Variants in STYXL2 observed in about 807,000 individuals in gnomAD.
STYXL2 encodes the protein serine/threonine/tyrosine-interacting-like protein 2.
A neutral mutation model predicts 52.4 loss-of-function variants in STYXL2; 44 were observed. The observed-to-expected ratio is 0.84, with a 90% CI of 0.66 to 1.08. STYXL2 has a LOEUF of 1.08. Among genes scored for constraint, STYXL2 ranks in the 50% least tolerant of loss-of-function variants. The pLI, the probability that STYXL2 is intolerant of heterozygous loss-of-function variation, is 0.00. For synonymous variants in STYXL2, 604 were observed against 586.9 expected, an observed-to-expected ratio of 1.03 and a Z score of -0.42; for missense variants, 1,604 against 1,471.7, an observed-to-expected ratio of 1.09 and a Z score of -1.47.
In STYXL2 at chr1:167,126,989, G is replaced by C. The variant is rs1667987125; in HGVS notation, c.1858G>C (p.Ala620Pro). ...ELSKGEDSAL[A>P]KKRQRRLELL... ...CAGCAAGGGGGAGGACTCGGCCTTG[G>C]CTAAGAAGAGACAACGGAGGCTGGA... Residue 620 changes from alanine to proline, a missense_variant, in exon 6 of 6, where the codon GCT becomes CCT. Coordinates refer to ENST00000361200, the MANE Select transcript of STYXL2 (RefSeq NM_001080426.3). 1 of 1,608,322 alleles carries C rather than the reference G, an allele frequency of 6.2e-7. No individual in the cohort carries two copies. The highest frequency in any genetic ancestry group is 1.7e-5 in the Admixed American group (1 of 59,672).
rs772496141 is a variant in STYXL2, at chr1:167,127,466, T to C, written c.2335T>C (p.Leu779=). The C allele has an allele frequency of 1.2e-6, 2 of 1,613,932 alleles. No homozygotes were observed. The highest frequency in any genetic ancestry group is 1.7e-6 in the Non-Finnish European group (2 of 1,179,996). The change falls in exon 6 of 6, where the codon TTG becomes CTG. Residue 779 remains leucine (L), a synonymous_variant. Coordinates refer to ENST00000361200, the MANE Select transcript of STYXL2 (RefSeq NM_001080426.3). ...SMLSGHSSSS[L]GGCLLPQSQA... ...GCTTAGTGGACACAGCAGCTCCTCC[T>C]TGGGTGGCTGCCTGTTGCCTCAGAG... is the stretch of plus-strand genomic sequence containing the variant.
chr1:167,115,359 G>A (rs974774483), intron 3 of STYXL2, among the ~76,000 whole-genome samples: 4 of 152,214 alleles, frequency 2.6e-5, no homozygotes, highest in African/African-American at 9.6e-5. Context: ...GGGGAGAAAT[G>A]TGTGGGCTTT....
At chr1:167,111,353 C>G (rs896468257) in intron 2 of STYXL2, among the ~76,000 whole-genome samples, 1 of 151,392 alleles carries the variant, frequency 6.6e-6, no homozygotes, top group Non-Finnish European at 1.5e-5. Context: ...GAAAAGAAGT[C>G]ATTATGTGAA....
At chr1:167,096,265 A>C (rs1667283479) in intron 2 of STYXL2, among the ~76,000 whole-genome samples, 2 of 152,154 alleles carry the variant, frequency 1.3e-5, no homozygotes, top group Admixed American at 6.5e-5. Flanking sequence ...CTCAAAAAAA[A>C]AGAAAAGAAA....
chr1:167,111,513 T>TATATATATATATACACAC (rs1211215448), intron 2 of STYXL2, among the ~76,000 whole-genome samples: 2 of 50,124 alleles, frequency 4.0e-5, no homozygotes, highest in African/African-American at 2.4e-4. Flanking sequence ...TATATATATA[T>TATATATATATATACACAC]ACACACACAC....
Position 167,126,872 on chromosome 1 carries a change from C to A in STYXL2, c.1741C>A (p.Pro581Thr), listed in dbSNP as rs757387713. The A allele has an allele frequency of 3.0e-5, 49 of 1,613,308 alleles. No homozygotes were observed. The highest frequency in any genetic ancestry group is 3.8e-5 in the Non-Finnish European group (45 of 1,179,592). Reference sequence around the variant, plus strand: ...AGAGGAGGCAGTAGGGGAGAAGAACCCCTCCGACGTCAGCCTGACAGCCTA... The same window carrying A: ...AGAGGAGGCAGTAGGGGAGAAGAACACCTCCGACGTCAGCCTGACAGCCTA... ...GAEEAVGEKN[P>T]SDVSLTAYQA... Residue 581 changes from proline to threonine, a missense_variant, in exon 6 of 6, where the codon CCC becomes ACC. Pro to Thr is a conservative substitution (Grantham distance 38). Transcript: ENST00000361200.
intron 1 of STYXL2, 101 bp from the exon 2 acceptor site, chr1:167,094,733 A>T: frequency 1.3e-6 from 1 of 776,224 alleles, no homozygotes; most frequent in Non-Finnish European, 2.2e-6. Context: ...GGACCTTCCT[A>T]GTCCTAGTTC....
At chr1:167,118,798 G>A (rs1667787203) in intron 4 of STYXL2, among the ~76,000 whole-genome samples, 1 of 152,188 alleles carries the variant, frequency 6.6e-6, no homozygotes, top group African/African-American at 2.4e-5. Flanking sequence ...TAGAGTTCCT[G>A]TCTACTTCTT....
At position 167,128,226 on chromosome 1, in the gene STYXL2, C is replaced by T. The variant is rs866449081; in HGVS notation, c.3095C>T (p.Ser1032Phe). 6.2e-7 allele frequency: 1 copy of T among 1,614,184 alleles called. No individual in the cohort carries two copies. Among genetic ancestry groups the T allele is most frequent in the South Asian group, 1.1e-5 (1 of 91,082 alleles). The change falls in exon 6 of 6, where the codon TCC becomes TTC. Residue 1032 changes from serine (S) to phenylalanine (F), a missense_variant. Physicochemically the swap from Ser to Phe is radical, Grantham distance 155 (BLOSUM62 -2). Transcript: ENST00000361200. ...TCCACGTACAACGAGACCTCAAGTTCCCGAGAGGAGAGCCCAGAGCCCTAC... is the reference window on the plus strand; with the variant it reads ...TCCACGTACAACGAGACCTCAAGTTTCCGAGAGGAGAGCCCAGAGCCCTAC... Reference protein sequence around the residue: ...SRSTYNETSSSREESPEPYFF... With the variant: ...SRSTYNETSSFREESPEPYFF...
In STYXL2 at chr1:167,125,815, C is replaced by T; in HGVS notation, c.684C>T (p.Gly228=). The T allele has an allele frequency of 6.2e-7, 1 of 1,606,524 alleles. No individual in the cohort carries two copies. Among genetic ancestry groups the T allele is most frequent in the Non-Finnish European group, 8.5e-7 (1 of 1,176,878 alleles). The change falls in exon 6 of 6, where the codon GGC becomes GGT. Residue 228 remains glycine, a synonymous_variant. Transcript: ENST00000361200. ...AAGTCCTGGTCAGCAGCGAAATGGGCATCAGCCGGTCAGCAGTGCTGGTGG... is the reference window on the plus strand; with the variant it reads ...AAGTCCTGGTCAGCAGCGAAATGGGTATCAGCCGGTCAGCAGTGCTGGTGG... ...RGKVLVSSEM[G]ISRSAVLVVA... is the part of the protein sequence containing the mutation.
In STYXL2 at chr1:167,127,136, G is replaced by A; in HGVS notation, c.2005G>A (p.Val669Ile). 3 of 1,614,094 alleles carry A rather than the reference G, an allele frequency of 1.9e-6. No individual in the cohort carries two copies. Among genetic ancestry groups the A allele is most frequent in the African/African-American group, 1.3e-5 (1 of 75,030 alleles). The change falls in exon 6 of 6, where the codon GTC becomes ATC. Residue 669 changes from valine (V) to isoleucine (I), a missense_variant. Physicochemically the swap from Val to Ile is conservative, Grantham distance 29. Coordinates refer to ENST00000361200, the MANE Select transcript of STYXL2 (RefSeq NM_001080426.3). ...LSAFWSADPSVSADGDTTSVL... is the reference protein window; with the variant it reads ...LSAFWSADPSISADGDTTSVL... ...TGCGTTCTGGTCTGCAGACCCCTCA[G>A]TCAGCGCTGATGGGGACACGACGTC...
At position 167,128,520 on chromosome 1, in the gene STYXL2, A is replaced by G; in HGVS notation, c.3389A>G (p.Glu1130Gly). Reference sequence around the variant, plus strand: ...AGAAGCACTGACAGGGAGGAAGAGGAAGAAATGGACGATGAAGCCATCATT... The same window carrying G: ...AGAAGCACTGACAGGGAGGAAGAGGGAGAAATGGACGATGAAGCCATCATT... ...YRRSTDREEE[E>G]EMDDEAIIAA... Residue 1130 changes from glutamate (E) to glycine (G), a missense_variant, in exon 6 of 6, where the codon GAA (glutamate) becomes GGA (glycine). Physicochemically the swap from Glu to Gly is moderately conservative, Grantham distance 98 (BLOSUM62 -2). Transcript: ENST00000361200. 6.2e-7 allele frequency: 1 copy of G among 1,613,962 alleles called. No homozygotes were observed. Among genetic ancestry groups the G allele is most frequent in the Non-Finnish European group, 8.5e-7 (1 of 1,180,012 alleles).
rs781275928 is a variant in STYXL2, at chr1:167,127,145, G to A, written c.2014G>A (p.Asp672Asn). 2.5e-6 allele frequency: 4 copies of A among 1,614,012 alleles called. No individual in the cohort carries two copies. The highest frequency in any genetic ancestry group is 3.4e-6 in the Non-Finnish European group (4 of 1,180,012). Residue 672 changes from aspartate (D) to asparagine (N), a missense_variant, in exon 6 of 6, where the codon GAT (aspartate) becomes AAT (asparagine). Transcript: ENST00000361200. ...GTCTGCAGACCCCTCAGTCAGCGCTGATGGGGACACGACGTCAGTACTGAG... is the reference window on the plus strand; with the variant it reads ...GTCTGCAGACCCCTCAGTCAGCGCTAATGGGGACACGACGTCAGTACTGAG... ...FWSADPSVSA[D>N]GDTTSVLSTQ... is the part of the protein sequence containing the mutation.
intron 2 of STYXL2, among the ~76,000 whole-genome samples, chr1:167,097,701 G>A (rs1667318111): frequency 1.3e-5 from 2 of 149,150 alleles, no homozygotes; most frequent in African/African-American, 2.5e-5. Flanking sequence ...AAAAAAAAAA[G>A]AAAGAAAAAG....
At chr1:167,109,441 G>A (rs1667571474) in intron 2 of STYXL2, among the ~76,000 whole-genome samples, 1 of 152,146 alleles carries the variant, frequency 6.6e-6, no homozygotes, top group Admixed American at 6.5e-5. Flanking sequence ...CAACCTGTAT[G>A]ATGCAGCAGA....
chr1:167,122,470 T>A (rs1440627057), intron 5 of STYXL2, among the ~76,000 whole-genome samples: 2 of 151,994 alleles, frequency 1.3e-5, no homozygotes, highest in Non-Finnish European at 2.9e-5. Flanking sequence ...CCATCAGCAG[T>A]GGCAAGTGGG....
rs188349293 is a variant in STYXL2, at chr1:167,111,405, T to C, written c.111-2305T>C. Among the ~76,000 whole-genome samples the C allele has an allele frequency of 2.8e-3, 419 of 147,138 alleles. 7 individuals are homozygous for C. The highest frequency in any genetic ancestry group is 9.4e-3 in the African/African-American group (379 of 40,394). ...ATGTTTATAGCAGCACAGTTCACAATTGTGAAAACATGGAACCAGCCCAAA... is the reference window on the plus strand; with the variant it reads ...ATGTTTATAGCAGCACAGTTCACAACTGTGAAAACATGGAACCAGCCCAAA... On this transcript the variant is annotated intron_variant, in intron 2 of 5. Coordinates refer to ENST00000361200, the MANE Select transcript of STYXL2 (RefSeq NM_001080426.3).
In STYXL2 at chr1:167,126,550, G is replaced by C; in HGVS notation, c.1419G>C (p.Ser473=). ...GRRRRADSMS[S]ESTWDAWNER... is the part of the protein sequence containing the mutation. ...GGCGCCGCGCAGACTCGATGTCCTC[G>C]GAGAGCACCTGGGACGCATGGAACG... Residue 473 remains serine, a synonymous_variant, in exon 6 of 6, where the codon TCG becomes TCC. Transcript: ENST00000361200. 1 of 1,613,818 alleles carries C rather than the reference G, an allele frequency of 6.2e-7. No individual in the cohort carries two copies. The highest frequency in any genetic ancestry group is 2.2e-5 in the East Asian group (1 of 44,802).
chr1:167,098,729 C>T (rs553690226), intron 2 of STYXL2, among the ~76,000 whole-genome samples: 1 of 152,270 alleles, frequency 6.6e-6, no homozygotes, highest in Admixed American at 6.5e-5. Context: ...GGCATCTTCA[C>T]GTTTGGCAGT....
Sources: allele counts gnomAD v4.1 joint callset (sites outside exome capture counted in the v4.1 genomes callset), GRCh38; gene constraint gnomAD v4.1.1; transcripts MANE v1.5; gene names NCBI Gene and HGNC (gene_info 2026-07-23, HGNC 2026-07-21).